Variants in CFAP96 observed in about 807,000 individuals in gnomAD.
CFAP96 encodes cilia-and flagella-associated protein 96.
At chr4:185,440,413 T>G in the CFAP96 span, 1 of 612,890 alleles carries the variant, frequency 1.6e-6, no homozygotes. Flanking sequence ...ATTAATGTTT[T>G]AAAAAAGTAC....
chr4:185,423,688 C>A, the CFAP96 span, among the ~76,000 whole-genome samples: 1 of 152,114 alleles, frequency 6.6e-6, no homozygotes, highest in African/African-American at 2.4e-5. Context: ...CTAATCAGTT[C>A]TTTACTTGGA....
the CFAP96 span, among the ~76,000 whole-genome samples, chr4:185,425,498 C>G: frequency 6.6e-6 from 1 of 152,126 alleles, no homozygotes; most frequent in East Asian, 1.9e-4. Context: ...GGAGAGAAAC[C>G]AGGGGAGGGA....
At chr4:185,442,319 G>T in the CFAP96 span, among the ~76,000 whole-genome samples, 1 of 151,880 alleles carries the variant, frequency 6.6e-6, no homozygotes, top group Non-Finnish European at 1.5e-5. Context: ...TCAGATCTAG[G>T]AATAAGCTCC....
the CFAP96 span, among the ~76,000 whole-genome samples, chr4:185,449,165 G>A: frequency 6.6e-6 from 1 of 152,018 alleles, no homozygotes; most frequent in Non-Finnish European, 1.5e-5. Context: ...TTTTGATTTT[G>A]GATTGTTAAT....
At chr4:185,425,343 G>A in the CFAP96 span, among the ~76,000 whole-genome samples, 2 of 152,018 alleles carry the variant, frequency 1.3e-5, no homozygotes, top group African/African-American at 2.4e-5. Flanking sequence ...GTGGAGGCAC[G>A]GTTAGCAGAT....
the CFAP96 span, among the ~76,000 whole-genome samples, chr4:185,443,320 G>GTATGTATATA: frequency 1.8e-5 from 1 of 55,992 alleles, no homozygotes; most frequent in African/African-American, 6.4e-5. Context: ...TATTTTTTAT[G>GTATGTATATA]TATATATATA....
the CFAP96 span, among the ~76,000 whole-genome samples, chr4:185,437,805 T>C: frequency 1.3e-5 from 2 of 152,184 alleles, no homozygotes; most frequent in Non-Finnish European, 2.9e-5. Context: ...TTTTAGAACT[T>C]ATACATAAGT....
chr4:185,413,822 C>A, the CFAP96 span: 2 of 1,613,076 alleles, frequency 1.2e-6, no homozygotes, highest in Middle Eastern at 1.7e-4. Flanking sequence ...AAGCATTAGA[C>A]CTTTTGAAAT....
chr4:185,436,265 A>G, the CFAP96 span: 3 of 1,548,386 alleles, frequency 1.9e-6, no homozygotes, highest in African/African-American at 4.1e-5. Flanking sequence ...AGTCACCATT[A>G]CTTACTTTGC....
At chr4:185,416,081 C>A in the CFAP96 span, 1 of 380,732 alleles carries the variant, frequency 2.6e-6, no homozygotes, top group Non-Finnish European at 4.6e-6. Context: ...TACCCTCAGA[C>A]CAGCCAGTAG....
the CFAP96 span, among the ~76,000 whole-genome samples, chr4:185,420,376 T>C: frequency 6.6e-6 from 1 of 152,188 alleles, no homozygotes; most frequent in Non-Finnish European, 1.5e-5. Context: ...CAAAACAATA[T>C]AAGAAGATAT....
chr4:185,418,348 A>G, the CFAP96 span: 2 of 972,850 alleles, frequency 2.1e-6, no homozygotes, highest in Non-Finnish European at 3.0e-6. Flanking sequence ...CTGACCTATG[A>G]TAAGAGGGTT....
At chr4:185,424,525 GAATT>G in the CFAP96 span, among the ~76,000 whole-genome samples, 1 of 152,102 alleles carries the variant, frequency 6.6e-6, no homozygotes, top group Non-Finnish European at 1.5e-5. Context: ...CTACTTCTGA[GAATT>G]TATTCTAAGG....
the CFAP96 span, among the ~76,000 whole-genome samples, chr4:185,429,904 CAAG>C: frequency 6.6e-6 from 1 of 152,106 alleles, no homozygotes; most frequent in African/African-American, 2.4e-5. Context: ...CTCTTGACCT[CAAG>C]AGACCCTCCC....
the CFAP96 span, among the ~76,000 whole-genome samples, chr4:185,438,447 T>C: frequency 1.8e-4 from 28 of 152,214 alleles, no homozygotes; most frequent in African/African-American, 6.3e-4. Context: ...TTTAATGTCT[T>C]ACCTGTCTCT....
chr4:185,413,895 G>GA, the CFAP96 span: 1 of 1,556,718 alleles, frequency 6.4e-7, no homozygotes. Context: ...AGAATCAACA[G>GA]AAAAAGAAAA....
chr4:185,423,173 T>C, the CFAP96 span, among the ~76,000 whole-genome samples: 2 of 152,212 alleles, frequency 1.3e-5, no homozygotes, highest in Non-Finnish European at 2.9e-5. Flanking sequence ...CAGGGATATT[T>C]AAAAGTATCC....
At chr4:185,444,991 G>T in the CFAP96 span, 1 of 1,551,234 alleles carries the variant, frequency 6.4e-7, no homozygotes, top group Non-Finnish European at 8.7e-7. Context: ...AGGAACATTT[G>T]ATCCTTACCC....
the CFAP96 span, chr4:185,432,288 A>C: frequency 1.0e-6 from 1 of 996,410 alleles, no homozygotes; most frequent in Non-Finnish European, 1.5e-6. Context: ...GGACTTACTT[A>C]TGTAAGATGA....
Sources: allele counts gnomAD v4.1 joint callset (sites outside exome capture counted in the v4.1 genomes callset), GRCh38; gene constraint gnomAD v4.1.1; transcripts MANE v1.5; gene names NCBI Gene and HGNC (gene_info 2026-07-23, HGNC 2026-07-21).